IGSF21: variants seen among roughly 807,000 people sequenced by gnomAD.
IGSF21 encodes immunoglobin superfamily member 21.
IGSF21 carries 28 observed loss-of-function variants against 46.8 expected under a neutral mutation model. The observed-to-expected ratio is 0.60, with a 90% CI of 0.44 to 0.82. IGSF21 has a LOEUF of 0.82. Among genes scored for constraint, IGSF21 ranks in the 40% least tolerant of loss-of-function variants. The pLI is 0.00. For synonymous variants in IGSF21, 284 were observed against 273.6 expected, an observed-to-expected ratio of 1.04 and a Z score of -0.38; for missense variants, 624 against 665.5, an observed-to-expected ratio of 0.94 and a Z score of 0.69.
chr1:18,202,023 G>C (rs1206589002), intron 1 of IGSF21, among the ~76,000 whole-genome samples: 1 of 152,160 alleles, frequency 6.6e-6, no homozygotes, highest in Non-Finnish European at 1.5e-5. Context: ...AGAGCACCAA[G>C]CACTTGGAAA....
At chr1:18,169,260 C>T (rs1034171003) in intron 1 of IGSF21, among the ~76,000 whole-genome samples, 3 of 152,182 alleles carry the variant, frequency 2.0e-5, no homozygotes, top group Non-Finnish European at 2.9e-5. Context: ...GTAGCTTTGG[C>T]GAGCGGGATC....
intron 6 of IGSF21, among the ~76,000 whole-genome samples, chr1:18,367,734 G>A (rs112088008): frequency 0.022 from 3,280 of 150,502 alleles, 109 homozygotes; most frequent in African/African-American, 0.074. Context: ...AGTCTCTCAA[G>A]TAGCTGGGAT....
intron 3 of IGSF21, among the ~76,000 whole-genome samples, chr1:18,304,969 T>C (rs1054297502): frequency 1.3e-5 from 2 of 152,236 alleles, no homozygotes; most frequent in African/African-American, 4.8e-5. Flanking sequence ...TAATATATTA[T>C]GGCAATCTAA....
At chr1:18,318,614 A>G (rs1157261525) in intron 3 of IGSF21, among the ~76,000 whole-genome samples, 1 of 151,944 alleles carries the variant, frequency 6.6e-6, no homozygotes, top group Admixed American at 6.6e-5. Flanking sequence ...CACTTCTTCC[A>G]TGGCAGGATC....
chr1:18,190,699 G>A (rs999430054), intron 1 of IGSF21, among the ~76,000 whole-genome samples: 5 of 152,154 alleles, frequency 3.3e-5, no homozygotes, highest in African/African-American at 9.7e-5. Flanking sequence ...TGAAAGCCCC[G>A]GGCAGAAGGC....
At chr1:18,178,865 T>C (rs2086830185) in intron 1 of IGSF21, among the ~76,000 whole-genome samples, 1 of 152,188 alleles carries the variant, frequency 6.6e-6, no homozygotes, top group Admixed American at 6.5e-5. Context: ...ATGCTTATTC[T>C]CCGCCCTTCC....
chr1:18,242,009 C>G (rs2084734280), intron 2 of IGSF21, among the ~76,000 whole-genome samples: 1 of 152,156 alleles, frequency 6.6e-6, no homozygotes, highest in Non-Finnish European at 1.5e-5. Flanking sequence ...TGGAGATGGC[C>G]TGGGGGCAGA....
chr1:18,365,911 G>A lies in IGSF21; in HGVS notation c.1015+214G>A, dbSNP rs12072313. Among the ~76,000 whole-genome samples the A allele has an allele frequency of 0.022, 3,330 of 152,288 alleles. 111 individuals carry two copies. Among genetic ancestry groups the A allele is most frequent in the African/African-American group, 0.074 (3,090 of 41,542 alleles). On this transcript the variant is annotated intron_variant, in intron 6 of 9. Coordinates refer to ENST00000251296, the MANE Select transcript of IGSF21 (RefSeq NM_032880.5). The surrounding 1 kb of genome is among the most constrained non-coding windows in gnomAD (Gnocchi z 4.8). The stretch of plus-strand genomic sequence containing the variant: ...TGGGAGGTACCCACAGGCCAAGGTA[G>A]TTTGCTGGGTTGAGCCAAGAACATG...
intron 6 of IGSF21, among the ~76,000 whole-genome samples, chr1:18,369,746 G>A (rs939834068): frequency 1.5e-4 from 23 of 152,172 alleles, no homozygotes; most frequent in Admixed American, 1.3e-4. Flanking sequence ...ATGAGCCTTC[G>A]CTCCTCCTCT....
At chr1:18,308,987 C>T (rs1206524525) in intron 3 of IGSF21, among the ~76,000 whole-genome samples, 1 of 152,158 alleles carries the variant, frequency 6.6e-6, no homozygotes, top group Non-Finnish European at 1.5e-5. Flanking sequence ...GCACCAGGTC[C>T]CCATACTCAT....
chr1:18,159,893 G>T (rs899003960), intron 1 of IGSF21, among the ~76,000 whole-genome samples: 1 of 152,142 alleles, frequency 6.6e-6, no homozygotes, highest in African/African-American at 2.4e-5. Flanking sequence ...ACATTGGGCA[G>T]GCTGGTCTTG....
At chr1:18,359,470 A>AAG (rs2086075608) in intron 4 of IGSF21, among the ~76,000 whole-genome samples, 1 of 26,652 alleles carries the variant, frequency 3.8e-5, no homozygotes, top group African/African-American at 1.1e-4. Flanking sequence ...AAGGGAAGGA[A>AAG]GGAAGGAAGG....
At position 18,335,051 on chromosome 1, in the gene IGSF21, G is replaced by C. The variant is rs766553588; in HGVS notation, c.424+41G>C. ...CTGGCCCCTGGTGTCTCAGTGAGGAGGACGAGTATGCTTGAGTGTGTGAAT... is the reference window on the plus strand; with the variant it reads ...CTGGCCCCTGGTGTCTCAGTGAGGACGACGAGTATGCTTGAGTGTGTGAAT... On this transcript the variant is annotated intron_variant, in intron 4 of 9. Transcript: ENST00000251296. The surrounding 1 kb of genome is among the most constrained non-coding windows in gnomAD (Gnocchi z 4.8). The C allele has an allele frequency of 6.8e-7, 1 of 1,467,388 alleles. No individual in the cohort carries two copies. The highest frequency in any genetic ancestry group is 9.6e-7 in the Non-Finnish European group (1 of 1,046,316). The allele number at this position is 1,467,388 out of a possible 1,614,324, so 90.9% of individuals were successfully genotyped here. A position where few individuals can be genotyped will look rare whatever the true frequency, so the allele number is the denominator to read the frequency against.
intron 1 of IGSF21, among the ~76,000 whole-genome samples, chr1:18,124,041 C>T (rs1402421423): frequency 6.6e-6 from 1 of 152,188 alleles, no homozygotes; most frequent in African/African-American, 2.4e-5. Flanking sequence ...AGGGACAGGG[C>T]TTCAGAGCAA....
chr1:18,119,526 G>A (rs1024047565), intron 1 of IGSF21, among the ~76,000 whole-genome samples: 1 of 152,190 alleles, frequency 6.6e-6, no homozygotes, highest in Non-Finnish European at 1.5e-5. Flanking sequence ...TCCTCTTTGG[G>A]TGTGGCATGC....
chr1:18,153,009 C>T (rs535440519), intron 1 of IGSF21, among the ~76,000 whole-genome samples: 1 of 152,266 alleles, frequency 6.6e-6, no homozygotes, highest in African/African-American at 2.4e-5. Context: ...TGGAAAAGCA[C>T]GAGGGTTGAT....
chr1:18,376,317 C>T lies in IGSF21; in HGVS notation c.1023C>T (p.Pro341=), dbSNP rs1296811356. The T allele has an allele frequency of 6.2e-7, 1 of 1,613,272 alleles. No homozygotes were observed. Among genetic ancestry groups the T allele is most frequent in the Non-Finnish European group, 8.5e-7 (1 of 1,179,408 alleles). ...GCCTTTCTCTCCCTACAGTTGCCCC[C>T]AAAGGACCCAAAATTGTGATGACGC... is the stretch of plus-strand genomic sequence containing the variant. ...PMQAEVTLVA[P]KGPKIVMTPS... The change falls in exon 7 of 10, where the codon CCC becomes CCT. Residue 341 remains proline (P), a synonymous_variant. Transcript: ENST00000251296.
At chr1:18,368,001 CTT>C (rs1331528644) in intron 6 of IGSF21, among the ~76,000 whole-genome samples, 1 of 152,006 alleles carries the variant, frequency 6.6e-6, no homozygotes, top group Non-Finnish European at 1.5e-5. Flanking sequence ...TGTGGCCTCT[CTT>C]ATATTAACCC....
intron 3 of IGSF21, among the ~76,000 whole-genome samples, chr1:18,313,137 A>G (rs61760791): frequency 8.4e-4 from 128 of 152,172 alleles, no homozygotes; most frequent in Admixed American, 2.6e-3. Flanking sequence ...ACCGGTGAGG[A>G]CAGGGCCCCA....
Sources: gnomAD v4.1 joint callset for allele counts (sites outside exome capture counted in the v4.1 genomes callset) on GRCh38, gnomAD v4.1.1 for gene constraint, Gnocchi (gnomAD v3.1) non-coding constraint, MANE v1.5 for transcripts, NCBI Gene and HGNC (gene_info 2026-07-23, HGNC 2026-07-21) for gene names.